The following CENPF variants were observed in gnomAD, a reference collection of about 807,000 sequenced individuals.
CENPF encodes the protein centromere protein F, also known as AH antigen.
A neutral mutation model predicts 307.3 loss-of-function variants in CENPF; 214 were observed. That is an observed-to-expected ratio of 0.70 (90% confidence interval 0.62 to 0.78). CENPF has a LOEUF of 0.78. Ranked by LOEUF, CENPF falls within the 30% of genes least tolerant of loss-of-function variation. CENPF has a pLI of 0.00. For synonymous variants in CENPF, 1,259 were observed against 1,270.6 expected (o/e 0.99, Z 0.19); for missense variants, 3,401 against 3,483.9 (o/e 0.98, Z 0.60).
intron 14 of CENPF, among the ~76,000 whole-genome samples, chr1:214,649,615 T>C (rs1658408501): frequency 6.6e-6 from 1 of 152,210 alleles, no homozygotes. Flanking sequence ...TCTTTAAATA[T>C]AGTATTTAAT....
rs1057006981 is a variant in CENPF at position 214,612,283 on chromosome 1, G to A, written c.-41-1431G>A. 3.9e-5 allele frequency among the ~76,000 whole-genome samples: 6 copies of A among 152,112 alleles called. No individual in the cohort carries two copies. The South Asian group carries it at 1.2e-3, about 32-fold the overall frequency. On this transcript the variant is annotated intron_variant, in intron 1 of 19. Transcript: ENST00000366955. The stretch of plus-strand genomic sequence containing the variant: ...TGTGATGAATCATATTTATTGATTT[G>A]CGTATGTTGAACCAACCGTAAATCC...
At chr1:214,636,526 C>A (rs546508892) in intron 10 of CENPF, among the ~76,000 whole-genome samples, 1 of 152,098 alleles carries the variant, frequency 6.6e-6, no homozygotes, top group Admixed American at 6.5e-5. Flanking sequence ...ATGAAATGAA[C>A]GCATATACAT....
At position 214,659,509 on chromosome 1, in the gene CENPF, C is replaced by T. The variant is rs977183799; in HGVS notation, c.9141+481C>T. Among the ~76,000 whole-genome samples, 6 of 151,322 alleles carry T rather than the reference C, an allele frequency of 4.0e-5. No homozygotes were observed. The highest frequency in any genetic ancestry group is 5.9e-5 in the Non-Finnish European group (4 of 67,908). The stretch of plus-strand genomic sequence containing the variant: ...GGAAAGGAACTCTGTTTATAGATCT[C>T]TCTATTTTGATTGTTGAGGATACAA... On this transcript the variant is annotated intron_variant, in intron 19 of 19. Transcript: ENST00000366955. This position sits in a 1 kb window ranked among gnomAD's most constrained non-coding sequence, Gnocchi z 4.4.
At chr1:214,635,497 T>C (rs575171183) in intron 10 of CENPF, among the ~76,000 whole-genome samples, 2 of 152,200 alleles carry the variant, frequency 1.3e-5, no homozygotes, top group Non-Finnish European at 2.9e-5. Flanking sequence ...CCTAGGAAAA[T>C]GTATCTTTGT....
Position 214,657,193 on chromosome 1 carries a change from G to C in CENPF, c.8746G>C (p.Val2916Leu). 6.2e-7 allele frequency: 1 copy of C among 1,614,144 alleles called. No homozygotes were observed. The highest frequency in any genetic ancestry group is 8.5e-7 in the Non-Finnish European group (1 of 1,180,014). ...TCCAGGACCATCTCCAATCCCTTCT[G>C]TTACTGAAAAGAGGTTATCATCTGG... ...VVPGPSPIPS[V>L]TEKRLSSGQN... The change falls in exon 18 of 20, where the codon GTT (valine) becomes CTT (leucine). Residue 2916 changes from valine to leucine, a missense_variant. Val to Leu is a conservative substitution (Grantham distance 32, BLOSUM62 1). Transcript: ENST00000366955.
At chr1:214,603,728 T>C (rs970782141) in intron 1 of CENPF, 1 of 152,110 alleles carries the variant, frequency 6.6e-6, no homozygotes, top group Non-Finnish European at 1.5e-5. Context: ...ATTGAGTAGA[T>C]GTAAGCTTGA....
chr1:214,648,546 C>A, intron 13 of CENPF, 129 bp from the exon 14 acceptor site: 2 of 985,330 alleles, frequency 2.0e-6, no homozygotes, highest in South Asian at 1.3e-5. Flanking sequence ...TTAGTAAAGG[C>A]GGGATTAGCC....
At position 214,620,960 on chromosome 1, in the gene CENPF, A is replaced by T; in HGVS notation, c.865+14A>T. ...CGCAGAATCAAGGTAACATTGAGCT[A>T]AGTTAAGTTTAAATTCACTTTGCTT... On this transcript the variant is annotated intron_variant, in intron 6 of 19. Coordinates refer to ENST00000366955, the MANE Select transcript of CENPF (RefSeq NM_016343.4). 1 of 1,581,044 alleles carries T rather than the reference A, an allele frequency of 6.3e-7. No homozygotes were observed. The highest frequency in any genetic ancestry group is 1.4e-5 in the African/African-American group (1 of 73,406).
Position 214,643,297 on chromosome 1 carries a change from G to C in CENPF, c.4959G>C (p.Arg1653=), listed in dbSNP as rs757100997. 9 of 1,509,950 alleles carry C rather than the reference G, an allele frequency of 6.0e-6. No homozygotes were observed. Among genetic ancestry groups the C allele is most frequent in the Non-Finnish European group, 7.9e-6 (9 of 1,133,200 alleles). 93.5% of individuals were successfully genotyped at this position (1,509,950 alleles called of 1,614,324 possible). A position where few individuals can be genotyped will look rare whatever the true frequency, so the allele number is the denominator to read the frequency against. Residue 1653 remains arginine (R), a synonymous_variant, in exon 12 of 20, where the codon CGG becomes CGC. Coordinates refer to ENST00000366955, the MANE Select transcript of CENPF (RefSeq NM_016343.4). The part of the protein sequence containing the change: ...LQLQGLDLSS[R]SLLGIDTEDA... ...TACAAGGTCTGGACTTAAGTTCTCG[G>C]TCTTTGCTTGGCATCGACACAGAAG...
chr1:214,624,343 G>T (rs1310006861), intron 7 of CENPF, among the ~76,000 whole-genome samples: 1 of 151,946 alleles, frequency 6.6e-6, no homozygotes, highest in East Asian at 1.9e-4. Context: ...AGACTGTGTA[G>T]AATTTTTTTT....
In CENPF at chr1:214,643,292, T is replaced by C. The variant is rs144881375; in HGVS notation, c.4954T>C (p.Ser1652Pro). Reference protein sequence around the residue: ...RLQLQGLDLSSRSLLGIDTED... With the variant: ...RLQLQGLDLSPRSLLGIDTED... ...CCAGCTACAAGGTCTGGACTTAAGT[T>C]CTCGGTCTTTGCTTGGCATCGACAC... Residue 1652 changes from serine to proline, a missense_variant, in exon 12 of 20, where the codon TCT (serine) becomes CCT (proline). Transcript: ENST00000366955. 2 of 1,514,476 alleles carry C rather than the reference T, an allele frequency of 1.3e-6. No individual in the cohort carries two copies. Among genetic ancestry groups the C allele is most frequent in the Non-Finnish European group, 1.8e-6 (2 of 1,135,478 alleles). The allele number at this position is 1,514,476 out of a possible 1,614,324, so 93.8% of individuals were successfully genotyped here.
chr1:214,630,530 T>G lies in CENPF; in HGVS notation c.1195-4T>G, dbSNP rs1407977660. 1 of 1,614,026 alleles carries G rather than the reference T, an allele frequency of 6.2e-7. No homozygotes were observed. Among genetic ancestry groups the G allele is most frequent in the South Asian group, 1.1e-5 (1 of 91,044 alleles). Reference sequence around the variant, plus strand: ...GGCTGATGCACCTGCCCTTTGTTTTTCAGGAGCTCTCCCGTCAACAGCGTT... The same window carrying G: ...GGCTGATGCACCTGCCCTTTGTTTTGCAGGAGCTCTCCCGTCAACAGCGTT... On this transcript the variant is annotated splice_region_variant and splice_polypyrimidine_tract_variant and intron_variant, in intron 8 of 19. Coordinates refer to ENST00000366955, the MANE Select transcript of CENPF (RefSeq NM_016343.4).
chr1:214,608,370 A>G, intron 1 of CENPF: 7 of 1,612,954 alleles, frequency 4.3e-6, no homozygotes, highest in Non-Finnish European at 5.9e-6. Flanking sequence ...TCCTCTCGGA[A>G]GGCCTACCCG....
In CENPF at chr1:214,640,238, G is replaced by T. The variant is rs1280130678; in HGVS notation, c.1900G>T (p.Glu634Ter). The T allele has an allele frequency of 6.2e-7, 1 of 1,612,104 alleles. No individual in the cohort carries two copies. Among genetic ancestry groups the T allele is most frequent in the Non-Finnish European group, 8.5e-7 (1 of 1,179,610 alleles). ...AAACGAAAAACTTTTAACTCAGATG[G>T]AATCAGAAAAGGAAAACTTGCAGAG... is the stretch of plus-strand genomic sequence containing the variant. The part of the protein sequence containing the change: ...SENEKLLTQM[E>*]SEKENLQSKI... The change falls in exon 12 of 20, where the codon GAA becomes TAA. Residue 634 changes from glutamate to a stop codon, truncating the protein, a stop_gained. Coordinates refer to ENST00000366955, the MANE Select transcript of CENPF (RefSeq NM_016343.4). LOFTEE classifies it high-confidence loss of function.
chr1:214,636,370 A>G (rs930843587), intron 10 of CENPF, among the ~76,000 whole-genome samples: 1 of 152,210 alleles, frequency 6.6e-6, no homozygotes, highest in Non-Finnish European at 1.5e-5. Context: ...ATGTTAGCCT[A>G]TCAATCTTGA....
chr1:214,605,875 C>T (rs1426805223), intron 1 of CENPF: 3 of 1,597,174 alleles, frequency 1.9e-6, no homozygotes, highest in African/African-American at 1.3e-5. Flanking sequence ...GCACGGGCGA[C>T]GTGATCTTGG....
At chr1:214,634,457 C>T (rs544719671) in intron 10 of CENPF, among the ~76,000 whole-genome samples, 144 of 152,238 alleles carry the variant, frequency 9.5e-4, no homozygotes, top group African/African-American at 3.3e-3. Context: ...TGCCACCTAC[C>T]ACAATGTGAC....
At position 214,622,329 on chromosome 1, in the gene CENPF, C is replaced by T. The variant is rs377538746; in HGVS notation, c.1068+48C>T. Reference sequence around the variant, plus strand: ...CTGGAGAAATCTTCATCTTTTCATACAATTATTTAGAAAGAGTATTTTATA... The same window carrying T: ...CTGGAGAAATCTTCATCTTTTCATATAATTATTTAGAAAGAGTATTTTATA... On this transcript the variant is annotated intron_variant, in intron 7 of 19. Coordinates refer to ENST00000366955, the MANE Select transcript of CENPF (RefSeq NM_016343.4). 8 of 1,405,776 alleles carry T rather than the reference C, an allele frequency of 5.7e-6. No homozygotes were observed. In the African/African-American group the frequency reaches 7.2e-5, roughly 13 times the overall value. The allele number at this position is 1,405,776 out of a possible 1,614,324, so 87.1% of individuals were successfully genotyped here.
At chr1:214,632,342 G>C in intron 9 of CENPF, 138 bp from the exon 10 acceptor site, 1 of 834,924 alleles carries the variant, frequency 1.2e-6, no homozygotes, top group Non-Finnish European at 1.8e-6. Flanking sequence ...ATATTTAGCT[G>C]TGACGTATAC....
Sources: gnomAD v4.1 joint callset for allele counts (sites outside exome capture counted in the v4.1 genomes callset) on GRCh38, gnomAD v4.1.1 for gene constraint, Gnocchi (gnomAD v3.1) non-coding constraint, MANE v1.5 for transcripts, NCBI Gene and HGNC (gene_info 2026-07-23, HGNC 2026-07-21) for gene names.